Variants in IPO9 observed in about 807,000 individuals in gnomAD.
IPO9 encodes the protein importin-9.
Under a neutral mutation model 128.6 loss-of-function variants are expected in IPO9, and 28 were observed. The observed-to-expected ratio is 0.22, with a 90% CI of 0.16 to 0.30. The LOEUF (loss-of-function observed/expected upper bound fraction) is 0.30. Ranked by LOEUF, IPO9 falls within the 10% of genes least tolerant of loss-of-function variation. The pLI is 1.00. For missense variants in IPO9, 935 were observed against 1,293.9 expected, an observed-to-expected ratio of 0.72 and a Z score of 4.26; for synonymous variants, 455 against 475.8, an observed-to-expected ratio of 0.96 and a Z score of 0.57.
chr1:201,868,706 C>G lies in IPO9; in HGVS notation c.1914C>G (p.Ala638=), dbSNP rs775003497. Residue 638 remains alanine (A), a synonymous_variant, in exon 16 of 24, where the codon GCC becomes GCG. Transcript: ENST00000361565. ...TCAAGGAGCTGTCCCAGATTGAAGC[C>G]TGTCAGGGCCCAATGCAAATGAGGC... ...DIFKELSQIE[A]CQGPMQMRLI... is the part of the protein sequence containing the mutation. 6.2e-6 allele frequency: 10 copies of G among 1,614,088 alleles called. No homozygotes were observed. Among genetic ancestry groups the G allele is most frequent in the Non-Finnish European group, 8.5e-6 (10 of 1,180,002 alleles).
chr1:201,865,646 A>C (rs1680539034), intron 14 of IPO9, among the ~76,000 whole-genome samples: 1 of 152,140 alleles, frequency 6.6e-6, no homozygotes, highest in Admixed American at 6.5e-5. Context: ...TCCCTTAAAT[A>C]ATCTCTGAAA....
chr1:201,831,246 G>A (rs1431887489), intron 1 of IPO9, among the ~76,000 whole-genome samples: 1 of 152,100 alleles, frequency 6.6e-6, no homozygotes, highest in Non-Finnish European at 1.5e-5. Flanking sequence ...GAAATAGATC[G>A]ACTGCCCCCC....
chr1:201,836,265 T>G (rs1257695435), intron 1 of IPO9, among the ~76,000 whole-genome samples: 1 of 151,922 alleles, frequency 6.6e-6, no homozygotes, highest in Non-Finnish European at 1.5e-5. Context: ...AATCTGTAAG[T>G]AGGGTTTTAC....
In IPO9 at chr1:201,858,572, T is replaced by C; in HGVS notation, c.1328+19T>C. On this transcript the variant is annotated intron_variant, in intron 12 of 23. Transcript: ENST00000361565. ...AGCACTGGTAAGAGTGAGCCGCTAA[T>C]TGGTTAAGATGCTTTTGTTTACCCC... 7.3e-7 allele frequency: 1 copy of C among 1,372,654 alleles called. No homozygotes were observed. The highest frequency in any genetic ancestry group is 1.0e-6 in the Non-Finnish European group (1 of 999,662). 85.0% of individuals were successfully genotyped at this position (1,372,654 alleles called of 1,614,324 possible).
chr1:201,869,494 G>T, intron 16 of IPO9, 96 bp from the exon 17 acceptor site: 11 of 1,412,080 alleles, frequency 7.8e-6, no homozygotes, highest in South Asian at 2.7e-5. Context: ...GCTTTCTCTG[G>T]GTTGCTATGT....
intron 3 of IPO9, 108 bp downstream of exon 3, chr1:201,847,746 A>G: frequency 1.3e-6 from 1 of 786,426 alleles, no homozygotes; most frequent in Non-Finnish European, 2.2e-6. Flanking sequence ...GACTAGGCAG[A>G]AAAGGAGATT....
intron 6 of IPO9, among the ~76,000 whole-genome samples, chr1:201,854,157 G>T (rs1680275903): frequency 6.6e-6 from 1 of 152,222 alleles, no homozygotes; most frequent in African/African-American, 2.4e-5. Context: ...ATAGGTGTGA[G>T]CCACCACACC....
chr1:201,863,547 G>C lies in IPO9; in HGVS notation c.1568G>C (p.Ser523Thr). The change falls in exon 14 of 24, where the codon AGT (serine) becomes ACT (threonine). Residue 523 changes from serine to threonine, a missense_variant. This residue lies in a region of IPO9 where 741 missense variants were observed against 1,019.1 expected (regional missense o/e 0.73). Coordinates refer to ENST00000361565, the MANE Select transcript of IPO9 (RefSeq NM_018085.5). Reference protein sequence around the residue: ...LIQQFLQATVSGLHETQPPSV... With the variant: ...LIQQFLQATVTGLHETQPPSV... ...CAGCAGTTCCTACAGGCAACAGTTA[G>C]TGGTCTTCACGAGACACAGCCCCCA... 1 of 1,607,296 alleles carries C rather than the reference G, an allele frequency of 6.2e-7. No individual in the cohort carries two copies. Among genetic ancestry groups the C allele is most frequent in the Non-Finnish European group, 8.5e-7 (1 of 1,174,382 alleles).
chr1:201,875,264 G>A (rs369513613), intron 23 of IPO9, 36 bp downstream of exon 23: 130 of 1,561,818 alleles, frequency 8.3e-5, no homozygotes, highest in Non-Finnish European at 9.5e-5. Flanking sequence ...AAATGACAAT[G>A]TCCCAGGCCA....
intron 1 of IPO9, among the ~76,000 whole-genome samples, chr1:201,829,773 G>C (rs1469023912): frequency 6.6e-6 from 1 of 152,134 alleles, no homozygotes; most frequent in Non-Finnish European, 1.5e-5. Flanking sequence ...ATAAGAGTAG[G>C]GGGAGCTATT....
Position 201,847,541 on chromosome 1 carries a change from T to G in IPO9, c.226-11T>G. 3 of 1,612,718 alleles carry G rather than the reference T, an allele frequency of 1.9e-6. No individual in the cohort carries two copies. The African/African-American group carries it at 4.0e-5, about 22-fold the overall frequency. ...TTTCTTGCTGTACTACTTGGCTTAT[T>G]CTCTTCACAGCTGGCATCAGTCATC... is the stretch of plus-strand genomic sequence containing the variant. On this transcript the variant is annotated splice_polypyrimidine_tract_variant and intron_variant, in intron 2 of 23. Coordinates refer to ENST00000361565, the MANE Select transcript of IPO9 (RefSeq NM_018085.5).
rs968605431 is a variant in IPO9, at chr1:201,883,664, C to T, written c.*7610C>T. ...TTTTGCACTGTGTGAGACCCCAGGA[C>T]CTTTTCGTGATTCTGGAGAGGGGAA... On this transcript the variant is annotated 3_prime_UTR_variant, in exon 24 of 24. Transcript: ENST00000361565. 6.6e-6 allele frequency: 1 copy of T among 152,236 alleles called. No homozygotes were observed. The highest frequency in any genetic ancestry group is 6.5e-5 in the Admixed American group (1 of 15,276). 9.4% of individuals were successfully genotyped at this position (152,236 alleles called of 1,614,324 possible).
rs369860469 is a variant in IPO9, at chr1:201,856,670, T to G, written c.1123-426T>G. Among the ~76,000 whole-genome samples, 230 of 76,436 alleles carry G rather than the reference T, an allele frequency of 3.0e-3. 1 individual carries two copies. Among genetic ancestry groups the G allele is most frequent in the African/African-American group, 9.7e-3 (213 of 21,936 alleles). 50.1% of individuals were successfully genotyped at this position (76,436 alleles called of 152,430 possible). On this transcript the variant is annotated intron_variant, in intron 10 of 23. Transcript: ENST00000361565. ...TAAGCTAGAGTTTTTGTTTCAGTTT[T>G]TGTTGTTGTTGTTGTTTTGTTTTGT...
chr1:201,881,513 A>G lies in IPO9; in HGVS notation c.*5459A>G, dbSNP rs1680883315. ...GCCGTCATGAAACAATTTCATTTTC[A>G]GACCTTATAAGCACGTTACAAGTAC... On this transcript the variant is annotated 3_prime_UTR_variant, in exon 24 of 24. Transcript: ENST00000361565. 6.6e-6 allele frequency: 1 copy of G among 152,226 alleles called. No individual in the cohort carries two copies. Among genetic ancestry groups the G allele is most frequent in the African/African-American group, 2.4e-5 (1 of 41,456 alleles). The allele number at this position is 152,226 out of a possible 1,614,324, so 9.4% of individuals were successfully genotyped here. A position where few individuals can be genotyped will look rare whatever the true frequency, so the allele number is the denominator to read the frequency against.
intron 1 of IPO9, among the ~76,000 whole-genome samples, chr1:201,836,452 C>G (rs527986003): frequency 1.3e-5 from 2 of 152,242 alleles, no homozygotes; most frequent in African/African-American, 4.8e-5. Flanking sequence ...GTGGTGTGAT[C>G]ATAGCTCACT....
intron 8 of IPO9, 85 bp from the exon 9 acceptor site, chr1:201,855,039 C>T (rs992667848): frequency 5.4e-6 from 7 of 1,301,182 alleles, no homozygotes; most frequent in Non-Finnish European, 7.6e-6. Flanking sequence ...AAGGTGTCTA[C>T]TTTTAGTGTT....
At position 201,855,864 on chromosome 1, in the gene IPO9, G is replaced by A. The variant is rs958275745; in HGVS notation, c.1052G>A (p.Ser351Asn). 5 of 1,611,982 alleles carry A rather than the reference G, an allele frequency of 3.1e-6. No homozygotes were observed. Among genetic ancestry groups the A allele is most frequent in the East Asian group, 2.2e-5 (1 of 44,828 alleles). Reference sequence around the variant, plus strand: ...CTACTAGAAAATAGCAAATTCAAAAGCACTGTTAAGAAAGCCTTGCCTGAA... The same window carrying A: ...CTACTAGAAAATAGCAAATTCAAAAACACTGTTAAGAAAGCCTTGCCTGAA... The part of the protein sequence containing the change: ...HALLENSKFK[S>N]TVKKALPELI... The change falls in exon 10 of 24, where the codon AGC becomes AAC. Residue 351 changes from serine (S) to asparagine (N), a missense_variant. Ser to Asn is a conservative substitution (Grantham distance 46, BLOSUM62 1). Coordinates refer to ENST00000361565, the MANE Select transcript of IPO9 (RefSeq NM_018085.5).
chr1:201,848,384 C>A lies in IPO9; in HGVS notation c.313-9C>A. ...GATCTAATAGCAGGTGGACTTTTAT[C>A]CCTTACAGGCAAAAATTGTTATCCG... On this transcript the variant is annotated splice_polypyrimidine_tract_variant and intron_variant, in intron 3 of 23. Coordinates refer to ENST00000361565, the MANE Select transcript of IPO9 (RefSeq NM_018085.5). 1 of 1,613,530 alleles carries A rather than the reference C, an allele frequency of 6.2e-7. No homozygotes were observed. The highest frequency in any genetic ancestry group is 8.5e-7 in the Non-Finnish European group (1 of 1,179,502).
At chr1:201,856,710 AG>A (rs1316891722) in intron 10 of IPO9, among the ~76,000 whole-genome samples, 1 of 152,170 alleles carries the variant, frequency 6.6e-6, no homozygotes, top group Non-Finnish European at 1.5e-5. Context: ...TTTTTGGGAC[AG>A]GGTCTTGCTG....
Sources: allele counts gnomAD v4.1 joint callset (sites outside exome capture counted in the v4.1 genomes callset), GRCh38; gene constraint gnomAD v4.1.1; regional missense constraint gnomAD v4.1.1; transcripts MANE v1.5; gene names NCBI Gene and HGNC (gene_info 2026-07-23, HGNC 2026-07-21).